The following ASAP1 variants were observed in gnomAD, a reference collection of about 807,000 sequenced individuals.
ASAP1 encodes the protein ArfGAP with SH3 domain, ankyrin repeat and PH domain 1.
A neutral mutation model predicts 145.2 loss-of-function variants in ASAP1; 43 were observed. The ratio of observed to expected loss-of-function variants is 0.30; its 90% confidence interval spans 0.23 to 0.38. ASAP1 has a LOEUF of 0.38. Ranked by LOEUF, ASAP1 falls within the 10% of genes least tolerant of loss-of-function variation. The pLI, the probability that ASAP1 is intolerant of heterozygous loss-of-function variation, is 1.00. For missense variants in ASAP1, 1,018 were observed against 1,355.3 expected (o/e 0.75, Z 3.91); for synonymous variants, 546 against 515.5 (o/e 1.06, Z -0.80).
intron 3 of ASAP1, among the ~76,000 whole-genome samples, chr8:130,268,431 T>C (rs893338812): frequency 1.3e-5 from 2 of 149,992 alleles, no homozygotes; most frequent in Non-Finnish European, 3.0e-5. Flanking sequence ...AAGTTTGTAG[T>C]GAGCTGGGAT....
intron 5 of ASAP1, among the ~76,000 whole-genome samples, chr8:130,212,861 G>C (rs1000083451): frequency 6.6e-6 from 1 of 152,216 alleles, no homozygotes; most frequent in Admixed American, 6.5e-5. Context: ...CAGGAACCTT[G>C]GAGGTGATGA....
chr8:130,433,024 C>T (rs1354119261), intron 1 of ASAP1, among the ~76,000 whole-genome samples: 1 of 152,192 alleles, frequency 6.6e-6, no homozygotes, highest in Non-Finnish European at 1.5e-5. Context: ...GTGTAGACTG[C>T]AAATATCCCA....
chr8:130,072,825 G>GTGCGTGTGCGCATGCGCGCGCA, intron 27 of ASAP1, among the ~76,000 whole-genome samples: 2 of 54,110 alleles, frequency 3.7e-5, no homozygotes, highest in East Asian at 4.0e-4. Context: ...GTGTGTGTGT[G>GTGCGTGTGCGCATGCGCGCGCA]CGCGCGGGGG....
chr8:130,309,551 C>CA (rs1337185479), intron 3 of ASAP1, among the ~76,000 whole-genome samples: 2 of 152,174 alleles, frequency 1.3e-5, no homozygotes, highest in Non-Finnish European at 2.9e-5. Context: ...TGAGGCAAGA[C>CA]AGAGGCGTGA....
At chr8:130,172,217 G>C (rs1279302716) in intron 9 of ASAP1, among the ~76,000 whole-genome samples, 1 of 152,124 alleles carries the variant, frequency 6.6e-6, no homozygotes, top group Non-Finnish European at 1.5e-5. Flanking sequence ...ATCATATAAG[G>C]AACTGTTTCC....
chr8:130,306,236 G>A (rs991108319), intron 3 of ASAP1, among the ~76,000 whole-genome samples: 7 of 152,226 alleles, frequency 4.6e-5, no homozygotes, highest in African/African-American at 1.7e-4. Flanking sequence ...ATCTAGCAGA[G>A]TAGGCACTTA....
At chr8:130,238,214 G>A (rs1447327541) in intron 3 of ASAP1, among the ~76,000 whole-genome samples, 3 of 152,062 alleles carry the variant, frequency 2.0e-5, no homozygotes, top group African/African-American at 7.2e-5. Flanking sequence ...TGGACTCAAC[G>A]TCATTCCTCG....
Position 130,061,043 on chromosome 8 carries a change from A to G in ASAP1, c.2728T>C (p.Ser910Pro), listed in dbSNP as rs373062629. 1 of 1,530,114 alleles carries G rather than the reference A, an allele frequency of 6.5e-7. No individual in the cohort carries two copies. Among genetic ancestry groups the G allele is most frequent in the Non-Finnish European group, 8.8e-7 (1 of 1,142,460 alleles). 94.8% of individuals were successfully genotyped at this position (1,530,114 alleles called of 1,614,324 possible). A position where few individuals can be genotyped will look rare whatever the true frequency, so the allele number is the denominator to read the frequency against. ...GGCGGGATGGTGGCTTTGTCTAGGG[A>G]GAGATGATCTGTTTTCCTTAGTGCC... ...KVALRKTDHL[S>P]LDKATIPPEI... Residue 910 changes from serine to proline, a missense_variant, in exon 28 of 30, where the codon TCC becomes CCC. Coordinates refer to ENST00000518721, the MANE Select transcript of ASAP1 (RefSeq NM_018482.4).
chr8:130,100,682 C>T (rs551579221), intron 24 of ASAP1, among the ~76,000 whole-genome samples: 1 of 152,220 alleles, frequency 6.6e-6, no homozygotes, highest in East Asian at 1.9e-4. Flanking sequence ...ATTTTAAAAT[C>T]ACATTATCAT....
At chr8:130,440,449 G>C (rs549038145) in intron 1 of ASAP1, among the ~76,000 whole-genome samples, 1 of 151,666 alleles carries the variant, frequency 6.6e-6, no homozygotes, top group South Asian at 2.1e-4. Context: ...AGAGGTTGCA[G>C]TGAGCTGAGA....
intron 3 of ASAP1, among the ~76,000 whole-genome samples, chr8:130,252,227 A>G (rs1217852479): frequency 6.6e-6 from 1 of 152,194 alleles, no homozygotes; most frequent in East Asian, 1.9e-4. Context: ...ACATATGTGC[A>G]GATATCATAA....
chr8:130,102,635 T>C (rs534252756), intron 24 of ASAP1, among the ~76,000 whole-genome samples: 1 of 152,326 alleles, frequency 6.6e-6, no homozygotes, highest in African/African-American at 2.4e-5. Context: ...AAAATTCCTT[T>C]GTCTTCAATT....
chr8:130,301,855 G>A (rs1373793898), intron 3 of ASAP1, among the ~76,000 whole-genome samples: 1 of 152,202 alleles, frequency 6.6e-6, no homozygotes, highest in South Asian at 2.1e-4. Flanking sequence ...CACTAAGGAT[G>A]TCTCATTCTT....
At chr8:130,375,760 T>C (rs991632355) in intron 2 of ASAP1, among the ~76,000 whole-genome samples, 3 of 152,166 alleles carry the variant, frequency 2.0e-5, no homozygotes, top group African/African-American at 7.2e-5. Context: ...GTGAGTGGCA[T>C]AAGATGTTCC....
chr8:130,157,356 A>G (rs995285183), intron 12 of ASAP1, among the ~76,000 whole-genome samples: 2 of 152,194 alleles, frequency 1.3e-5, no homozygotes, highest in South Asian at 2.1e-4. Flanking sequence ...TCTACACCCC[A>G]TATCAGCAAG....
chr8:130,179,373 G>C lies in ASAP1; in HGVS notation c.661-24C>G, dbSNP rs747009943. ...TACTGTGAAAATAAAACAGGGTTTT[G>C]CGTTGATTAATTCCAGATGGGGCTC... On this transcript the variant is annotated intron_variant, in intron 8 of 29. Coordinates refer to ENST00000518721, the MANE Select transcript of ASAP1 (RefSeq NM_018482.4). The C allele has an allele frequency of 4.7e-6, 7 of 1,476,810 alleles. No homozygotes were observed. The South Asian group carries it at 8.0e-5, about 17-fold the overall frequency. The allele number at this position is 1,476,810 out of a possible 1,614,324, so 91.5% of individuals were successfully genotyped here.
At chr8:130,192,020 CTT>C (rs1301344860) in intron 5 of ASAP1, among the ~76,000 whole-genome samples, 3 of 151,918 alleles carry the variant, frequency 2.0e-5, no homozygotes, top group Non-Finnish European at 4.4e-5. Flanking sequence ...CACCAGAGGG[CTT>C]CTCTGGTGAC....
At chr8:130,281,255 T>A (rs1381305783) in intron 3 of ASAP1, among the ~76,000 whole-genome samples, 1 of 152,168 alleles carries the variant, frequency 6.6e-6, no homozygotes, top group Non-Finnish European at 1.5e-5. Flanking sequence ...ATAAAATTAG[T>A]ATTAGAGATC....
intron 5 of ASAP1, among the ~76,000 whole-genome samples, chr8:130,203,376 A>G (rs1195979373): frequency 6.6e-6 from 1 of 152,200 alleles, no homozygotes; most frequent in Non-Finnish European, 1.5e-5. Flanking sequence ...GGAAGCCTGA[A>G]GTCCAGCCAT....
Sources: gnomAD v4.1 joint callset for allele counts (sites outside exome capture counted in the v4.1 genomes callset) on GRCh38, gnomAD v4.1.1 for gene constraint, MANE v1.5 for transcripts, NCBI Gene and HGNC (gene_info 2026-07-23, HGNC 2026-07-21) for gene names.